The following MAP3K15 variants were observed in gnomAD, a reference collection of about 807,000 sequenced individuals.
The protein encoded by MAP3K15 is mitogen-activated protein kinase kinase kinase 15, also known as MAPK/ERK kinase kinase 15.
A neutral mutation model predicts 99.5 loss-of-function variants in MAP3K15; 124 were observed. The observed-to-expected ratio is 1.25, with a 90% CI of 1.08 to 1.45. MAP3K15 has a LOEUF of 1.45. Among genes scored for constraint, MAP3K15 ranks in the 40% most tolerant of loss-of-function variants. MAP3K15 has a pLI of 0.00. For missense variants in MAP3K15, 1,242 were observed against 1,079.7 expected (o/e 1.15, Z -2.11); for synonymous variants, 494 against 439.6 (o/e 1.12, Z -1.55).
rs1343505578 is a variant in MAP3K15 at position 19,415,090 on chromosome X, G to T, written c.1590+17C>A. On this transcript the variant is annotated intron_variant, in intron 10 of 28. Coordinates refer to ENST00000338883, the MANE Select transcript of MAP3K15 (RefSeq NM_001001671.4). ...TTTTTCCTAATCTTAAAAAAAAATG[G>T]ATTTAGCATATCTTACTGGAAATCT... is the stretch of plus-strand genomic sequence containing the variant. The T allele has an allele frequency of 9.0e-7, 1 of 1,117,270 alleles. No individual in the cohort carries two copies. The highest frequency in any genetic ancestry group is 3.2e-5 in the East Asian group (1 of 31,393). The allele number at this position is 1,117,270 out of a possible 1,213,427, so 92.1% of individuals were successfully genotyped here. A position where few individuals can be genotyped will look rare whatever the true frequency, so the allele number is the denominator to read the frequency against.
intron 6 of MAP3K15, among the ~76,000 whole-genome samples, chrX:19,445,085 C>T (rs191366871): frequency 9.0e-6 from 1 of 111,238 alleles, no homozygotes; most frequent in Non-Finnish European, 1.9e-5. Flanking sequence ...ACTATACAGC[C>T]TCAGTTTCCC....
intron 19 of MAP3K15, among the ~76,000 whole-genome samples, chrX:19,379,784 T>TC (rs1316965581): frequency 4.5e-5 from 5 of 110,967 alleles, no homozygotes; most frequent in East Asian, 2.8e-4. Context: ...ACACCAATGG[T>TC]CCCCCCAATC....
chrX:19,426,588 G>A (rs1049535771), intron 7 of MAP3K15, among the ~76,000 whole-genome samples: 1 of 110,355 alleles, frequency 9.1e-6, no homozygotes, highest in Non-Finnish European at 1.9e-5. Flanking sequence ...GCCGAGGCAC[G>A]TGGACCACTT....
At position 19,425,129 on chromosome X, in the gene MAP3K15, G is replaced by A. The variant is rs916301480; in HGVS notation, c.1439+402C>T. Reference sequence around the variant, plus strand: ...CGTGTAAGGCTGTTGCTGTGCCACCGTTTTATTTACCATACCCTATTATTG... The same window carrying A: ...CGTGTAAGGCTGTTGCTGTGCCACCATTTTATTTACCATACCCTATTATTG... On this transcript the variant is annotated intron_variant, in intron 9 of 28. Coordinates refer to ENST00000338883, the MANE Select transcript of MAP3K15 (RefSeq NM_001001671.4). Among the ~76,000 whole-genome samples, 9 of 111,312 alleles carry A rather than the reference G, an allele frequency of 8.1e-5. No individual in the cohort carries two copies. In the East Asian group the frequency reaches 8.4e-4, roughly 10 times the overall value.
intron 2 of MAP3K15, among the ~76,000 whole-genome samples, chrX:19,487,375 T>C (rs1266409848): frequency 9.0e-6 from 1 of 111,100 alleles, no homozygotes; most frequent in African/African-American, 3.3e-5. Flanking sequence ...TGTCCTAAAT[T>C]GAAAAAAAAA....
At chrX:19,514,337 C>T (rs935703293) in intron 1 of MAP3K15, among the ~76,000 whole-genome samples, 18 of 105,143 alleles carry the variant, frequency 1.7e-4, no homozygotes, top group African/African-American at 4.5e-4. Flanking sequence ...AGTTGGATAA[C>T]TTGGGAGAAG....
chrX:19,402,619 T>C (rs145041043), intron 13 of MAP3K15, among the ~76,000 whole-genome samples: 2,156 of 111,825 alleles, frequency 0.019, 65 homozygotes, highest in African/African-American at 0.067. Flanking sequence ...AACGGAATGC[T>C]ACACAGAGAA....
chrX:19,438,366 C>A (rs892982515), intron 6 of MAP3K15, among the ~76,000 whole-genome samples: 2 of 112,055 alleles, frequency 1.8e-5, no homozygotes, highest in Non-Finnish European at 3.8e-5. Context: ...CCTTGGCCTC[C>A]CAAAGTGCTG....
chrX:19,515,351 C>T lies in MAP3K15; in HGVS notation c.-90G>A. ...AGTTACAGCAGCCGCGCAGGCGGTC[C>T]CGGCACCTGCTCCTGAAGCGCGGGA... On this transcript the variant is annotated 5_prime_UTR_variant, in exon 1 of 29. Transcript: ENST00000338883. 1.8e-6 allele frequency: 1 copy of T among 543,519 alleles called. No homozygotes were observed. The highest frequency in any genetic ancestry group is 2.3e-6 in the Non-Finnish European group (1 of 436,186). The allele number at this position is 543,519 out of a possible 1,213,427, so 44.8% of individuals were successfully genotyped here.
intron 3 of MAP3K15, among the ~76,000 whole-genome samples, chrX:19,465,211 C>A (rs116128374): frequency 9.0e-6 from 1 of 110,860 alleles, no homozygotes; most frequent in East Asian, 2.9e-4. Flanking sequence ...CGTATTTTTA[C>A]GTGTCCTGAA....
At chrX:19,424,667 A>T (rs970637847) in intron 9 of MAP3K15, among the ~76,000 whole-genome samples, 20 of 110,377 alleles carry the variant, frequency 1.8e-4, no homozygotes, top group Non-Finnish European at 7.6e-5. Flanking sequence ...TATTTTTGAG[A>T]CAGGGTCTCA....
chrX:19,385,201 G>T (rs6633245), intron 18 of MAP3K15, among the ~76,000 whole-genome samples: 1 of 111,744 alleles, frequency 8.9e-6, no homozygotes, highest in Non-Finnish European at 1.9e-5. Context: ...TTGCAGTCCA[G>T]ATGTCAGCTG....
chrX:19,400,828 A>C (rs1252118882), intron 13 of MAP3K15, among the ~76,000 whole-genome samples, 165 bp from the exon 14 acceptor site: 2 of 111,661 alleles, frequency 1.8e-5, no homozygotes, highest in African/African-American at 6.5e-5. Flanking sequence ...GTGGTTATCA[A>C]ATCTAGGGCA....
chrX:19,489,951 G>A (rs952634067), intron 1 of MAP3K15, among the ~76,000 whole-genome samples: 17 of 110,746 alleles, frequency 1.5e-4, no homozygotes, highest in African/African-American at 2.6e-4. Context: ...CAGGAGAATC[G>A]CTTGTACCTG....
rs772968513 is a variant in MAP3K15, at chrX:19,395,111, T to G, written c.2164A>C (p.Ile722Leu). 6 of 1,206,535 alleles carry G rather than the reference T, an allele frequency of 5.0e-6. No homozygotes were observed. Among genetic ancestry groups the G allele is most frequent in the Non-Finnish European group, 6.7e-6 (6 of 893,475 alleles). ...YLGSVSENGY[I>L]KIFMEQVPGG... ...GGCACCTGCTCCATAAATATCTTAA[T>G]GTAGCCGTTCTCTGAAACAGAGCCC... Residue 722 changes from isoleucine to leucine, a missense_variant, in exon 16 of 29, where the codon ATT becomes CTT. Transcript: ENST00000338883.
At chrX:19,478,759 G>GT (rs59953517) in intron 3 of MAP3K15, among the ~76,000 whole-genome samples, 1 of 100,221 alleles carries the variant, frequency 1.0e-5, no homozygotes, top group Non-Finnish European at 2.0e-5. Context: ...TTTTAATAAG[G>GT]TTTTTTTTTT....
chrX:19,445,056 C>T (rs2063985447), intron 6 of MAP3K15, among the ~76,000 whole-genome samples: 1 of 110,944 alleles, frequency 9.0e-6, no homozygotes, highest in African/African-American at 3.3e-5. Context: ...TTCTATAAAG[C>T]CTCCCCAAAC....
At chrX:19,509,783 CA>C (rs1234890877) in intron 1 of MAP3K15, among the ~76,000 whole-genome samples, 6 of 110,850 alleles carry the variant, frequency 5.4e-5, no homozygotes, top group African/African-American at 1.6e-4. Context: ...AAAAAACCTT[CA>C]AAAAAATCAA....
At chrX:19,501,041 T>C (rs1172529523) in intron 1 of MAP3K15, among the ~76,000 whole-genome samples, 3 of 111,512 alleles carry the variant, frequency 2.7e-5, no homozygotes, top group African/African-American at 9.8e-5. Context: ...TCAGTAGCAC[T>C]AACAGCAGCA....
Sources: gnomAD v4.1 joint callset for allele counts (sites outside exome capture counted in the v4.1 genomes callset) on GRCh38, gnomAD v4.1.1 for gene constraint, MANE v1.5 for transcripts, NCBI Gene and HGNC (gene_info 2026-07-23, HGNC 2026-07-21) for gene names.